PDE10A: variants seen among roughly 807,000 people sequenced by gnomAD.
PDE10A encodes phosphodiesterase 10A.
Under a neutral mutation model 97.7 loss-of-function variants are expected in PDE10A, and 39 were observed. The ratio of observed to expected loss-of-function variants is 0.40; its 90% CI spans 0.31 to 0.52. PDE10A has a LOEUF of 0.52. PDE10A is among the 20% of genes least tolerant of loss of function. The pLI, the probability that PDE10A is intolerant of heterozygous loss-of-function variation, is 0.56. For synonymous variants in PDE10A, 371 were observed against 376.8 expected (o/e 0.98, Z 0.18); for missense variants, 731 against 1,047.8 (o/e 0.70, Z 4.17).
chr6:165,482,201 C>A (rs140357285), intron 3 of PDE10A, 114 bp downstream of exon 3: 4 of 800,372 alleles, frequency 5.0e-6, no homozygotes, highest in African/African-American at 3.4e-5. Flanking sequence ...GGAGAGGAAA[C>A]TCAGTTTTTG....
intron 1 of PDE10A, among the ~76,000 whole-genome samples, chr6:165,783,915 G>A (rs187655398): frequency 1.9e-3 from 289 of 152,222 alleles, no homozygotes; most frequent in Middle Eastern, 3.4e-3. Context: ...AGTGAGAAGC[G>A]GCTATGAAAA....
At chr6:165,533,218 T>G (rs1782887015) in intron 2 of PDE10A, among the ~76,000 whole-genome samples, 1 of 152,218 alleles carries the variant, frequency 6.6e-6, no homozygotes, top group Admixed American at 6.5e-5. Flanking sequence ...GTGATGTTCT[T>G]GAGAGAAGCA....
intron 1 of PDE10A, among the ~76,000 whole-genome samples, chr6:165,578,851 A>T (rs1312108617): frequency 6.6e-6 from 1 of 152,188 alleles, no homozygotes; most frequent in East Asian, 1.9e-4. Context: ...GACCGACCAC[A>T]AACAGCTACA....
Position 165,854,988 on chromosome 6 carries a change from GGAATGAATGAATGAATGAAT to G in PDE10A, c.-615+132521_-615+132540del, listed in dbSNP as rs56216066. Among the ~76,000 whole-genome samples the G allele has an allele frequency of 1.0e-3, 152 of 149,848 alleles. 1 individual carries two copies. In the East Asian group the frequency reaches 0.026, roughly 26 times the overall value. ...GTTTAGGCGCGGGGGAAGAGGAAGA[GGAATGAATGAATGAATGAAT>G]GAATGAATGAATGAATGAATGAATG... On this transcript the variant is annotated intron_variant, in intron 1 of 19. Coordinates refer to the PDE10A transcript ENST00000366882.
At chr6:165,436,668 TATGTTTAA>T (rs1360746282) in intron 5 of PDE10A, among the ~76,000 whole-genome samples, 3 of 152,200 alleles carry the variant, frequency 2.0e-5, no homozygotes, top group Admixed American at 1.3e-4. Context: ...AGCTATTTAA[TATGTTTAA>T]ATAGAAAGTA....
intron 18 of PDE10A, among the ~76,000 whole-genome samples, chr6:165,353,629 T>C (rs1463813357): frequency 6.6e-6 from 1 of 152,160 alleles, no homozygotes; most frequent in Non-Finnish European, 1.5e-5. Flanking sequence ...AAAAAGCCAA[T>C]TTGAAAGTCA....
intron 1 of PDE10A, among the ~76,000 whole-genome samples, chr6:165,776,071 A>G (rs1246844142): frequency 6.6e-6 from 1 of 152,180 alleles, no homozygotes; most frequent in Non-Finnish European, 1.5e-5. Context: ...AGCTGCTTTT[A>G]TTTATTATTT....
intron 2 of PDE10A, among the ~76,000 whole-genome samples, chr6:165,535,700 T>C (rs939128726): frequency 6.6e-6 from 1 of 151,506 alleles, no homozygotes; most frequent in African/African-American, 2.4e-5. Flanking sequence ...TGAATAGTGC[T>C]GCAATAAACA....
At chr6:165,962,602 C>G (rs539004365) in intron 1 of PDE10A, among the ~76,000 whole-genome samples, 2 of 152,332 alleles carry the variant, frequency 1.3e-5, no homozygotes, top group African/African-American at 4.8e-5. Context: ...TGTGGAATGT[C>G]AGCCATGCAC....
At chr6:165,684,893 AAAAT>A (rs1485407646) in intron 1 of PDE10A, among the ~76,000 whole-genome samples, 4 of 152,232 alleles carry the variant, frequency 2.6e-5, no homozygotes, top group African/African-American at 9.6e-5. Context: ...CTGAACCAAT[AAAAT>A]AATTGTGAAA....
chr6:165,708,566 G>C (rs908128260), intron 1 of PDE10A, among the ~76,000 whole-genome samples: 4 of 151,402 alleles, frequency 2.6e-5, no homozygotes, highest in Non-Finnish European at 4.4e-5. Context: ...CGCCTGCATC[G>C]TCCGTGCTCC....
Position 165,405,741 on chromosome 6 carries a change from A to G in PDE10A, c.2076+7760T>C, listed in dbSNP as rs561039892. ...GATTTTAAGTTTTGAATCCTACTAC[A>G]CACACATTGAGAACTCAAAAAGTAG... On this transcript the variant is annotated intron_variant, in intron 13 of 21. Coordinates refer to ENST00000539869, the MANE Select transcript of PDE10A (RefSeq NM_001385079.1). Among the ~76,000 whole-genome samples, 4 of 152,304 alleles carry G rather than the reference A, an allele frequency of 2.6e-5. No homozygotes were observed. In the South Asian group the frequency reaches 8.3e-4, roughly 32 times the overall value.
At chr6:165,889,616 T>C (rs532694046) in intron 1 of PDE10A, among the ~76,000 whole-genome samples, 1 of 152,274 alleles carries the variant, frequency 6.6e-6, no homozygotes, top group East Asian at 1.9e-4. Context: ...AAACTGGTGC[T>C]TTCCTAGGCT....
At chr6:165,620,427 T>A (rs376051783) in intron 1 of PDE10A, among the ~76,000 whole-genome samples, 1 of 152,178 alleles carries the variant, frequency 6.6e-6, no homozygotes, top group Non-Finnish European at 1.5e-5. Flanking sequence ...AGCCTTGCAC[T>A]TAGAGAGGCT....
intron 3 of PDE10A, among the ~76,000 whole-genome samples, 180 bp from the exon 4 acceptor site, chr6:165,450,542 T>C (rs141608730): frequency 6.6e-6 from 1 of 152,102 alleles, no homozygotes; most frequent in African/African-American, 2.4e-5. Flanking sequence ...GATTGAAAAT[T>C]AAAATTGCTA....
intron 18 of PDE10A, among the ~76,000 whole-genome samples, chr6:165,366,535 TGG>T (rs1379453268): frequency 6.6e-6 from 1 of 151,968 alleles, no homozygotes; most frequent in Non-Finnish European, 1.5e-5. Flanking sequence ...CTGGCGTAAG[TGG>T]AAGAAGATTT....
chr6:165,816,244 T>C (rs989311880), intron 1 of PDE10A, among the ~76,000 whole-genome samples: 8 of 152,256 alleles, frequency 5.3e-5, no homozygotes, highest in South Asian at 2.1e-4. Flanking sequence ...CCACTGCGCC[T>C]GGCCCAGGCT....
At position 165,428,856 on chromosome 6, in the gene PDE10A, A is replaced by T. The variant is rs1789351019; in HGVS notation, c.1602-147T>A. ...TTGATTTTTCTGCTTTGGCAAAAAA[A>T]AAAATCAGTACTGTAATATTATTTT... On this transcript the variant is annotated intron_variant, in intron 9 of 21. Coordinates refer to ENST00000539869, the MANE Select transcript of PDE10A (RefSeq NM_001385079.1). The T allele has an allele frequency of 7.8e-6, 4 of 513,168 alleles. No individual in the cohort carries two copies. The South Asian group carries it at 8.7e-5, about 11-fold the overall frequency. 31.8% of individuals were successfully genotyped at this position (513,168 alleles called of 1,614,324 possible).
Position 165,889,591 on chromosome 6 carries a change from T to C in PDE10A, c.-615+97938A>G, listed in dbSNP as rs372237593. Among the ~76,000 whole-genome samples the C allele has an allele frequency of 3.9e-5, 6 of 152,274 alleles. No homozygotes were observed. In the South Asian group the frequency reaches 1.2e-3, roughly 32 times the overall value. ...GCTGCTAGCTCCATCCAGGCACACG[T>C]TAGAAAATGAGCATAAACTGGTGCT... On this transcript the variant is annotated intron_variant, in intron 1 of 19. Coordinates refer to the PDE10A transcript ENST00000366882.
Sources: gnomAD v4.1 joint callset for allele counts (sites outside exome capture counted in the v4.1 genomes callset) on GRCh38, gnomAD v4.1.1 for gene constraint, MANE v1.5 for transcripts, NCBI Gene and HGNC (gene_info 2026-07-23, HGNC 2026-07-21) for gene names.